KCNQ5: variants seen among roughly 807,000 people sequenced by gnomAD.
KCNQ5 encodes potassium voltage-gated channel subfamily Q member 5.
Under a neutral mutation model 98.2 loss-of-function variants are expected in KCNQ5, and 30 were observed. That is an observed-to-expected ratio of 0.31 (90% CI 0.23 to 0.41). KCNQ5 has a LOEUF of 0.41. Ranked by LOEUF, KCNQ5 falls within the 10% of genes least tolerant of loss-of-function variation. The pLI, the probability that KCNQ5 is intolerant of heterozygous loss-of-function variation, is 1.00. For synonymous variants in KCNQ5, 458 were observed against 449.4 expected (o/e 1.02, Z -0.24); for missense variants, 835 against 1,182.5 (o/e 0.71, Z 4.31).
chr6:73,026,490 T>G (rs189040076), intron 2 of KCNQ5, among the ~76,000 whole-genome samples: 1 of 152,268 alleles, frequency 6.6e-6, no homozygotes, highest in Non-Finnish European at 1.5e-5. Context: ...CTGCTCCTAT[T>G]TAAAGCTGGA....
Position 73,169,737 on chromosome 6 carries a change from C to G in KCNQ5, c.1469-9C>G, listed in dbSNP as rs1351569133. ...GTGGTGTTATTTAACTGGCAATATT[C>G]TCTTGCAGCTGACACAGCCCTTGGC... is the stretch of plus-strand genomic sequence containing the variant. On this transcript the variant is annotated splice_polypyrimidine_tract_variant and intron_variant, in intron 10 of 13. Coordinates refer to ENST00000370398, the MANE Select transcript of KCNQ5 (RefSeq NM_019842.4). The G allele has an allele frequency of 1.3e-6, 2 of 1,589,034 alleles. No homozygotes were observed. Among genetic ancestry groups the G allele is most frequent in the East Asian group, 2.2e-5 (1 of 44,736 alleles).
chr6:72,917,454 T>TTTTTATTTTTA (rs1780197619), intron 1 of KCNQ5, among the ~76,000 whole-genome samples: 5 of 147,650 alleles, frequency 3.4e-5, no homozygotes, highest in African/African-American at 1.3e-4. Context: ...TTTATTTTTA[T>TTTTTATTTTTA]TTTTATTTTA....
At chr6:72,850,655 G>A (rs1388029909) in intron 1 of KCNQ5, among the ~76,000 whole-genome samples, 3 of 152,122 alleles carry the variant, frequency 2.0e-5, no homozygotes, top group South Asian at 2.1e-4. Flanking sequence ...TGTAAACATG[G>A]AAGAATGCTG....
chr6:72,953,798 T>C (rs1054442957), intron 1 of KCNQ5, among the ~76,000 whole-genome samples: 3 of 152,096 alleles, frequency 2.0e-5, no homozygotes, highest in African/African-American at 7.2e-5. Flanking sequence ...CTTTTAAAGA[T>C]TGAGATGTAC....
chr6:72,714,589 A>T (rs1769545301), intron 1 of KCNQ5, among the ~76,000 whole-genome samples: 1 of 152,214 alleles, frequency 6.6e-6, no homozygotes, highest in Non-Finnish European at 1.5e-5. Context: ...GGGTTACAAA[A>T]GGACATGAAA....
rs1313066746 is a variant in KCNQ5 at position 73,195,407 on chromosome 6, T to C, written c.2792T>C (p.Leu931Pro). The C allele has an allele frequency of 3.7e-6, 6 of 1,610,254 alleles. No homozygotes were observed. In the Admixed American group the frequency reaches 1.0e-4, roughly 27 times the overall value. Residue 931 changes from leucine to proline, a missense_variant, in exon 14 of 14, where the codon CTG becomes CCG. By Grantham distance (98) the Leu-to-Pro change is moderately conservative (BLOSUM62 -3). This residue lies in a region of KCNQ5 where 416 missense variants were observed against 446.9 expected (regional missense o/e 0.93). Coordinates refer to ENST00000370398, the MANE Select transcript of KCNQ5 (RefSeq NM_019842.4). ...TDALSLPHVK[L>P]K ...GCCCTCAGCTTGCCTCATGTCAAAC[T>C]GAAATAAGTTCTTCATTTTCTTTCC...
intron 3 of KCNQ5, among the ~76,000 whole-genome samples, chr6:73,075,090 G>C (rs989798575): frequency 2.0e-5 from 3 of 152,036 alleles, no homozygotes; most frequent in African/African-American, 7.2e-5. Context: ...TAATTGCAAA[G>C]ACATAGTCGT....
At chr6:72,908,011 T>C (rs946953371) in intron 1 of KCNQ5, among the ~76,000 whole-genome samples, 58 of 152,134 alleles carry the variant, frequency 3.8e-4, no homozygotes, top group African/African-American at 1.3e-3. Flanking sequence ...GCACATACAA[T>C]GAACCATGAC....
intron 1 of KCNQ5, among the ~76,000 whole-genome samples, chr6:72,706,989 G>A (rs1054213463): frequency 6.6e-6 from 1 of 151,970 alleles, no homozygotes; most frequent in Non-Finnish European, 1.5e-5. Flanking sequence ...TATCTTAACT[G>A]TTTCTTGGTT....
At chr6:72,774,672 A>G (rs962472606) in intron 1 of KCNQ5, among the ~76,000 whole-genome samples, 2 of 152,072 alleles carry the variant, frequency 1.3e-5, no homozygotes, top group Non-Finnish European at 1.5e-5. Flanking sequence ...ACAGCAAAAA[A>G]CAATAGGAAA....
intron 1 of KCNQ5, among the ~76,000 whole-genome samples, chr6:72,647,230 G>A (rs1048637397): frequency 9.2e-5 from 14 of 152,172 alleles, no homozygotes; most frequent in Admixed American, 2.6e-4. Context: ...TGTCCTTGCC[G>A]TGTAGGCAGG....
chr6:72,901,661 T>C (rs1249638716), intron 1 of KCNQ5, among the ~76,000 whole-genome samples: 4 of 152,218 alleles, frequency 2.6e-5, no homozygotes, highest in Non-Finnish European at 5.9e-5. Flanking sequence ...TAGCTGTAAG[T>C]ATCTGGGTTT....
chr6:72,625,774 G>A (rs546474063), intron 1 of KCNQ5, among the ~76,000 whole-genome samples: 1 of 152,214 alleles, frequency 6.6e-6, no homozygotes, highest in Non-Finnish European at 1.5e-5. Context: ...TTCTGGTCAG[G>A]CAAAAGGTCA....
chr6:72,969,554 C>T (rs180805957), intron 1 of KCNQ5, among the ~76,000 whole-genome samples: 2 of 152,240 alleles, frequency 1.3e-5, no homozygotes, highest in East Asian at 3.9e-4. Context: ...CAACTTGTAT[C>T]AGAATTCCCT....
chr6:72,767,345 G>T (rs751200104), intron 1 of KCNQ5, among the ~76,000 whole-genome samples: 8 of 151,964 alleles, frequency 5.3e-5, no homozygotes, highest in Non-Finnish European at 7.4e-5. Flanking sequence ...AGTCAAAATG[G>T]ATCAAGACCT....
rs188230758 is a variant in KCNQ5 at position 72,738,362 on chromosome 6, C to T, written c.398+115775C>T. Among the ~76,000 whole-genome samples, 272 of 151,926 alleles carry T rather than the reference C, an allele frequency of 1.8e-3. 2 individuals carry two copies. The highest frequency in any genetic ancestry group is 4.9e-3 in the African/African-American group (202 of 41,434). On this transcript the variant is annotated intron_variant, in intron 1 of 13. Coordinates refer to ENST00000370398, the MANE Select transcript of KCNQ5 (RefSeq NM_019842.4). Reference sequence around the variant, plus strand: ...TTCCCAGAGACTTCATTATAGAATCCAGATATTCTGGTGTGTAAAAAAAAA... The same window carrying T: ...TTCCCAGAGACTTCATTATAGAATCTAGATATTCTGGTGTGTAAAAAAAAA...
chr6:72,834,514 C>A (rs924869528), intron 1 of KCNQ5, among the ~76,000 whole-genome samples: 16 of 152,118 alleles, frequency 1.1e-4, no homozygotes, highest in Non-Finnish European at 2.4e-4. Flanking sequence ...TGATAATTTG[C>A]AAGACCTGAT....
chr6:72,957,334 C>A (rs1348524419), intron 1 of KCNQ5, among the ~76,000 whole-genome samples: 2 of 151,890 alleles, frequency 1.3e-5, no homozygotes, highest in Non-Finnish European at 2.9e-5. Flanking sequence ...CCACACTTGG[C>A]TAATTTTTGT....
chr6:73,077,670 A>G, intron 4 of KCNQ5, 92 bp from the exon 5 acceptor site: 2 of 1,322,744 alleles, frequency 1.5e-6, no homozygotes, highest in South Asian at 2.8e-5. Context: ...ACATCCAAGA[A>G]GTAGTAAAGT....
Sources: allele counts gnomAD v4.1 joint callset (sites outside exome capture counted in the v4.1 genomes callset), GRCh38; gene constraint gnomAD v4.1.1; regional missense constraint gnomAD v4.1.1; transcripts MANE v1.5; gene names NCBI Gene and HGNC (gene_info 2026-07-23, HGNC 2026-07-21).